The following P2RX3 variants were observed in gnomAD, a reference collection of about 807,000 sequenced individuals.
P2RX3 encodes the protein P2X purinoceptor 3.
P2RX3 carries 41 observed loss-of-function variants against 51.5 expected under a neutral mutation model. The observed-to-expected ratio is 0.80, with a 90% CI of 0.62 to 1.03. The LOEUF (loss-of-function observed/expected upper bound fraction) is 1.03. Among genes scored for constraint, P2RX3 ranks in the 50% least tolerant of loss-of-function variants. The probability of loss-of-function intolerance (pLI) is 0.00; values close to 1 mark genes in which losing one functional copy is unlikely to be tolerated. For missense variants in P2RX3, 459 were observed against 522.1 expected (o/e 0.88, Z 1.18); for synonymous variants, 185 against 191.6 (o/e 0.97, Z 0.29).
Position 57,368,013 on chromosome 11 carries a change from G to C in P2RX3, c.847G>C (p.Ala283Pro). The change falls in exon 9 of 12, where the codon GCC (alanine) becomes CCC (proline). Residue 283 changes from alanine (A) to proline (P), a missense_variant. Ala to Pro is a conservative substitution (Grantham distance 27, BLOSUM62 -1). Transcript: ENST00000263314. ...ATCTCTGCCTCTGACCTCCAGGTTT[G>C]CCAAGTACTACAAAATGGAAAATGG... The part of the protein sequence containing the change: ...SVSPGYNFRF[A>P]KYYKMENGSE... 6.2e-7 allele frequency: 1 copy of C among 1,614,034 alleles called. No individual in the cohort carries two copies. Among genetic ancestry groups the C allele is most frequent in the Non-Finnish European group, 8.5e-7 (1 of 1,179,914 alleles).
intron 11 of P2RX3, 151 bp from the exon 12 acceptor site, chr11:57,369,733 G>A (rs1002197758): frequency 1.0e-5 from 7 of 669,210 alleles, no homozygotes; most frequent in African/African-American, 1.8e-5. Flanking sequence ...TGCCCTCGGG[G>A]TACATGGGAG....
chr11:57,355,874 C>T (rs1590633337), intron 8 of P2RX3, among the ~76,000 whole-genome samples: 1 of 152,120 alleles, frequency 6.6e-6, no homozygotes, highest in East Asian at 1.9e-4. Context: ...CTCTAAAAGC[C>T]TATCCCGTAG....
At chr11:57,348,566 G>C in intron 5 of P2RX3, 61 bp from the exon 6 acceptor site, 6 of 1,444,304 alleles carry the variant, frequency 4.2e-6, no homozygotes, top group Non-Finnish European at 5.8e-6. Context: ...GCCCTCAGGT[G>C]AAAGCCTTCA....
chr11:57,369,823 G>T, intron 11 of P2RX3, 61 bp from the exon 12 acceptor site: 3 of 1,224,344 alleles, frequency 2.5e-6, no homozygotes, highest in South Asian at 1.3e-5. Flanking sequence ...GTCAAATGGG[G>T]TCACAAAAGA....
At chr11:57,340,068 G>T (rs557288437) in intron 1 of P2RX3, among the ~76,000 whole-genome samples, 1 of 152,176 alleles carries the variant, frequency 6.6e-6, no homozygotes, top group African/African-American at 2.4e-5. Context: ...GCAAATGTTC[G>T]CTGTCTGCAT....
chr11:57,341,864 C>G (rs965739558), intron 1 of P2RX3, among the ~76,000 whole-genome samples: 1 of 152,162 alleles, frequency 6.6e-6, no homozygotes, highest in East Asian at 1.9e-4. Context: ...TGTTCCTCCC[C>G]CATACAAGAC....
At chr11:57,357,053 C>T (rs771099167) in intron 8 of P2RX3, among the ~76,000 whole-genome samples, 7 of 152,204 alleles carry the variant, frequency 4.6e-5, no homozygotes, top group Non-Finnish European at 1.0e-4. Context: ...TGGTGGCTCA[C>T]ACCTGTAATA....
intron 10 of P2RX3, among the ~76,000 whole-genome samples, 193 bp downstream of exon 10, chr11:57,368,630 C>A (rs1856833719): frequency 6.6e-6 from 1 of 152,226 alleles, no homozygotes; most frequent in Non-Finnish European, 1.5e-5. Flanking sequence ...CGTCTCCAGT[C>A]ATGGAGAGCT....
intron 8 of P2RX3, among the ~76,000 whole-genome samples, chr11:57,366,926 T>A (rs942151805): frequency 3.3e-5 from 5 of 152,050 alleles, no homozygotes; most frequent in Admixed American, 3.3e-4. Flanking sequence ...CAGGGTCCAA[T>A]CGCCTCTTAA....
In P2RX3 at chr11:57,370,365, C is replaced by T. The variant is rs1335066207; in HGVS notation, c.*368C>T. The T allele has an allele frequency of 5.4e-6, 1 of 183,810 alleles. No homozygotes were observed. Among genetic ancestry groups the T allele is most frequent in the African/African-American group, 2.3e-5 (1 of 42,950 alleles). The allele number at this position is 183,810 out of a possible 1,614,324, so 11.4% of individuals were successfully genotyped here. On this transcript the variant is annotated 3_prime_UTR_variant, in exon 12 of 12. Coordinates refer to ENST00000263314, the MANE Select transcript of P2RX3 (RefSeq NM_002559.5). ...ATCTCATTTAATCCTTAGAATAATC[C>T]TATGAGGTAGATATTAGTTTCCCTT...
chr11:57,342,000 A>G (rs2134406742), intron 1 of P2RX3, among the ~76,000 whole-genome samples: 1 of 152,226 alleles, frequency 6.6e-6, no homozygotes, highest in South Asian at 2.1e-4. Context: ...TCTGGTTTAA[A>G]GAGAAGGGTC....
upstream of P2RX3, among the ~76,000 whole-genome samples, chr11:57,336,960 T>C (rs1211440647): frequency 1.3e-5 from 2 of 152,176 alleles, no homozygotes; most frequent in African/African-American, 2.4e-5. Context: ...ATTACTACTT[T>C]AGCACACTTC....
In P2RX3 at chr11:57,350,868, A is replaced by G. The variant is rs373392104; in HGVS notation, c.812A>G (p.Lys271Arg). The change falls in exon 8 of 12, where the codon AAA (lysine) becomes AGA (arginine). Residue 271 changes from lysine to arginine, a missense_variant. Coordinates refer to ENST00000263314, the MANE Select transcript of P2RX3 (RefSeq NM_002559.5). The part of the protein sequence containing the change: ...SFTRLDSVSE[K>R]SSVSPGYNFR... ...ACCCGGCTCGACAGCGTTTCTGAGA[A>G]AAGCAGCGTGTCCCCAGGCTACAAC... 4.3e-6 allele frequency: 7 copies of G among 1,614,126 alleles called. No individual in the cohort carries two copies. Among genetic ancestry groups the G allele is most frequent in the East Asian group, 2.2e-5 (1 of 44,882 alleles).
chr11:57,348,953 G>A (rs1856493467), intron 6 of P2RX3, among the ~76,000 whole-genome samples: 1 of 152,198 alleles, frequency 6.6e-6, no homozygotes, highest in South Asian at 2.1e-4. Flanking sequence ...AGTTTTGCTT[G>A]GGGTAGGAGA....
chr11:57,346,631 C>G lies in P2RX3; in HGVS notation c.207C>G (p.Leu69=), dbSNP rs1412683008. ...TAACCAAGGTGAAGGGCTCCGGACT[C>G]TACGCCAACAGAGTCATGGATGTGT... ...SVVTKVKGSG[L]YANRVMDVSD... Residue 69 remains leucine, a synonymous_variant, in exon 2 of 12, where the codon CTC becomes CTG. Coordinates refer to ENST00000263314, the MANE Select transcript of P2RX3 (RefSeq NM_002559.5). The G allele has an allele frequency of 6.2e-7, 1 of 1,614,224 alleles. No homozygotes were observed. The highest frequency in any genetic ancestry group is 8.5e-7 in the Non-Finnish European group (1 of 1,180,046).
intron 1 of P2RX3, among the ~76,000 whole-genome samples, chr11:57,339,728 A>G (rs905503921): frequency 6.6e-6 from 1 of 152,198 alleles, no homozygotes. Context: ...TGAGGCAGCA[A>G]TCCACTGACT....
At position 57,371,029 on chromosome 11, in the gene P2RX3, GC is replaced by G. The variant is rs2134456116; in HGVS notation, c.*1034del. Among the ~76,000 whole-genome samples the G allele has an allele frequency of 6.6e-6, 1 of 152,344 alleles. No homozygotes were observed. The highest frequency in any genetic ancestry group is 2.1e-4 in the South Asian group (1 of 4,826). ...TTTTCTAAGGTTAGAAGCTAAAGGG[GC>G]CTTTTAAACCATCTTATCTAACCCT... On this transcript the variant is annotated 3_prime_UTR_variant, in exon 12 of 12. Transcript: ENST00000263314.
At chr11:57,368,515 G>T in intron 10 of P2RX3, 78 bp downstream of exon 10, 1 of 1,528,318 alleles carries the variant, frequency 6.5e-7, no homozygotes, top group Non-Finnish European at 9.0e-7. Flanking sequence ...GGGGAGTGAC[G>T]GCGGCAAAAC....
intron 10 of P2RX3, among the ~76,000 whole-genome samples, 175 bp downstream of exon 10, chr11:57,368,612 G>A (rs572365236): frequency 7.9e-5 from 12 of 152,312 alleles, no homozygotes; most frequent in African/African-American, 2.9e-4. Context: ...CGTCAGCCCT[G>A]GCTGGAACGT....
Sources: gnomAD v4.1 joint callset for allele counts (sites outside exome capture counted in the v4.1 genomes callset) on GRCh38, gnomAD v4.1.1 for gene constraint, MANE v1.5 for transcripts, NCBI Gene and HGNC (gene_info 2026-07-23, HGNC 2026-07-21) for gene names.